The following HYDIN variants were observed in gnomAD, a reference collection of about 807,000 sequenced individuals.
The protein encoded by HYDIN is axonemal central pair apparatus protein HYDIN.
Under a neutral mutation model 403.9 loss-of-function variants are expected in HYDIN, and 132 were observed. That is an observed-to-expected ratio of 0.33 (90% CI 0.28 to 0.38). HYDIN has a LOEUF of 0.38. Among genes scored for constraint, HYDIN ranks in the 10% least tolerant of loss-of-function variants. The pLI is 1.00. For synonymous variants in HYDIN, 1,202 were observed against 1,891.7 expected (o/e 0.64, Z 9.46); for missense variants, 2,827 against 5,009.5 (o/e 0.56, Z 13.15).
At chr16:71,074,707 C>CAAAAAA (rs59315287) in intron 13 of HYDIN, among the ~76,000 whole-genome samples, 322 of 85,888 alleles carry the variant, frequency 3.7e-3, no homozygotes, top group African/African-American at 6.3e-3. Context: ...CAAAAAACAC[C>CAAAAAA]AAAAAAAAAA....
rs576302687 is a variant in HYDIN, at chr16:70,841,929, T to C, written c.12874-1696A>G. On this transcript the variant is annotated intron_variant, in intron 75 of 85. Coordinates refer to ENST00000393567, the MANE Select transcript of HYDIN (RefSeq NM_001270974.2). Reference sequence around the variant, plus strand: ...TTCTGTTATAGAAGCACAAAACAGATGAAGACAGGTTCCAGTGGTTTTACA... The same window carrying C: ...TTCTGTTATAGAAGCACAAAACAGACGAAGACAGGTTCCAGTGGTTTTACA... 7.8e-4 allele frequency among the ~76,000 whole-genome samples: 118 copies of C among 150,360 alleles called. 1 individual carries two copies. The highest frequency in any genetic ancestry group is 2.7e-3 in the African/African-American group (107 of 39,816).
chr16:70,930,900 G>A (rs2077301041), intron 45 of HYDIN, among the ~76,000 whole-genome samples: 1 of 152,130 alleles, frequency 6.6e-6, no homozygotes, highest in African/African-American at 2.4e-5. Flanking sequence ...GTCATATGAA[G>A]AGTCAGGAAA....
Position 71,076,377 on chromosome 16 carries a change from A to G in HYDIN, c.1738+3508T>C, listed in dbSNP as rs2082626832. The stretch of plus-strand genomic sequence containing the variant: ...GAATGGAGTCAGTGGAAGCCAAGTC[A>G]GTGTTGGCTCTGCTGGAGCTGAAAG... On this transcript the variant is annotated intron_variant, in intron 13 of 85. Transcript: ENST00000393567. Among the ~76,000 whole-genome samples the G allele has an allele frequency of 2.4e-5, 3 of 124,390 alleles. No individual in the cohort carries two copies. In the South Asian group the frequency reaches 8.3e-4, roughly 34 times the overall value. 81.6% of individuals were successfully genotyped at this position (124,390 alleles called of 152,430 possible). A position where few individuals can be genotyped will look rare whatever the true frequency, so the allele number is the denominator to read the frequency against.
chr16:70,859,596 T>C (rs1346597023), intron 71 of HYDIN, among the ~76,000 whole-genome samples: 1 of 152,168 alleles, frequency 6.6e-6, no homozygotes, highest in Admixed American at 6.5e-5. Context: ...GGCCAGCAAG[T>C]CTGTATTTCT....
At position 71,064,634 on chromosome 16, in the gene HYDIN, G is replaced by T; in HGVS notation, c.2211+71C>A. 3 of 1,392,100 alleles carry T rather than the reference G, an allele frequency of 2.2e-6. No individual in the cohort carries two copies. The South Asian group carries it at 4.1e-5, about 19-fold the overall frequency. 86.2% of individuals were successfully genotyped at this position (1,392,100 alleles called of 1,614,324 possible). A position where few individuals can be genotyped will look rare whatever the true frequency, so the allele number is the denominator to read the frequency against. ...TGTTCAGGAATGTGGCACTTCAGAG[G>T]GATTTCTCTTTCTCATCAAGGGAAC... On this transcript the variant is annotated intron_variant, in intron 16 of 85. Transcript: ENST00000393567.
At chr16:70,872,514 T>TATCC (rs909208397) in intron 64 of HYDIN, among the ~76,000 whole-genome samples, 10 of 136,892 alleles carry the variant, frequency 7.3e-5, no homozygotes, top group East Asian at 7.3e-4. Context: ...ATCACTCACC[T>TATCC]ATCCATCCAT....
At chr16:71,227,784 T>G (rs1284426739) in intron 1 of HYDIN, among the ~76,000 whole-genome samples, 1 of 152,180 alleles carries the variant, frequency 6.6e-6, no homozygotes, top group Non-Finnish European at 1.5e-5. Context: ...TACCAATGAC[T>G]TTATTCACAG....
intron 23 of HYDIN, among the ~76,000 whole-genome samples, chr16:71,012,090 G>A (rs2080105846): frequency 6.6e-6 from 1 of 152,296 alleles, no homozygotes; most frequent in South Asian, 2.1e-4. Context: ...AGGCTGCTCG[G>A]CTCCCTGACG....
chr16:70,984,970 C>T (rs2144028721), intron 28 of HYDIN: 1 of 495,740 alleles, frequency 2.0e-6, no homozygotes, highest in East Asian at 3.3e-5. Flanking sequence ...TTGCTGTATC[C>T]CTGGTGCCTG....
intron 23 of HYDIN, among the ~76,000 whole-genome samples, chr16:71,012,866 T>C (rs7189611): frequency 7.0e-6 from 1 of 142,264 alleles, no homozygotes; most frequent in Non-Finnish European, 1.5e-5. Flanking sequence ...TTTTTTTTTG[T>C]CTATTCTAGG....
chr16:70,921,345 C>A (rs536007332), intron 45 of HYDIN, 128 bp from the exon 46 acceptor site: 2 of 808,496 alleles, frequency 2.5e-6, no homozygotes, highest in Non-Finnish European at 3.9e-6. Flanking sequence ...CTCCCCTGCA[C>A]GCTAAGGTTG....
intron 2 of HYDIN, among the ~76,000 whole-genome samples, chr16:71,186,455 T>C (rs1208330863): frequency 6.6e-6 from 1 of 152,178 alleles, no homozygotes; most frequent in Non-Finnish European, 1.5e-5. Context: ...GTTTTTGAAC[T>C]AAACAAATGA....
intron 83 of HYDIN, among the ~76,000 whole-genome samples, chr16:70,826,353 T>G (rs904727842): frequency 1.3e-5 from 2 of 151,526 alleles, no homozygotes; most frequent in Non-Finnish European, 2.9e-5. Flanking sequence ...TCCTGCATGG[T>G]TTTCTAAATA....
rs1247718118 is a variant in HYDIN at position 71,067,315 on chromosome 16, C to T, written c.2050G>A (p.Val684Met). The T allele has an allele frequency of 6.2e-7, 1 of 1,612,726 alleles. No individual in the cohort carries two copies. The highest frequency in any genetic ancestry group is 8.5e-7 in the Non-Finnish European group (1 of 1,179,154). ...CTTGCTGTAATTAAGAGCGCCAGCA[C>T]CTCTTCTCCGATGCCCTCCACGTCC... ...VVDVEGIGEE[V>M]LALLITARCV... Residue 684 changes from valine (V) to methionine (M), a missense_variant, in exon 15 of 86, where the codon GTG (valine) becomes ATG (methionine). By Grantham distance (21) the Val-to-Met change is conservative. Transcript: ENST00000393567.
At chr16:71,044,860 G>A (rs188402107) in intron 18 of HYDIN, among the ~76,000 whole-genome samples, 2 of 150,200 alleles carry the variant, frequency 1.3e-5, no homozygotes, top group South Asian at 2.1e-4. Flanking sequence ...ACAAATTGTA[G>A]AGGTACTTTG....
At chr16:70,945,385 A>G (rs1437389031) in intron 41 of HYDIN, among the ~76,000 whole-genome samples, 3 of 152,348 alleles carry the variant, frequency 2.0e-5, no homozygotes, top group Admixed American at 1.3e-4. Context: ...AGCAAGAATC[A>G]CTTTTTGGAT....
intron 28 of HYDIN, among the ~76,000 whole-genome samples, chr16:70,984,599 C>T (rs573510566): frequency 6.6e-6 from 1 of 150,646 alleles, no homozygotes; most frequent in South Asian, 2.1e-4. Flanking sequence ...AGGGGAAGAA[C>T]AGACTTTATC....
intron 18 of HYDIN, among the ~76,000 whole-genome samples, chr16:71,039,943 A>G (rs915257981): frequency 1.3e-5 from 2 of 152,218 alleles, no homozygotes; most frequent in African/African-American, 4.8e-5. Flanking sequence ...TAAGGTGTCC[A>G]CAGACGGCAG....
intron 58 of HYDIN, among the ~76,000 whole-genome samples, chr16:70,885,725 T>C (rs190256794): frequency 1.0e-3 from 157 of 151,570 alleles, no homozygotes; most frequent in Middle Eastern, 3.4e-3. Context: ...TGAGAAGATA[T>C]GGTAGGCAAA....
Sources: allele counts gnomAD v4.1 joint callset (sites outside exome capture counted in the v4.1 genomes callset), GRCh38; gene constraint gnomAD v4.1.1; transcripts MANE v1.5; gene names NCBI Gene and HGNC (gene_info 2026-07-23, HGNC 2026-07-21).